UHRF1: variants seen among roughly 807,000 people sequenced by gnomAD.
The protein encoded by UHRF1 is ubiquitin like with PHD and ring finger domains 1.
UHRF1 carries 9 observed loss-of-function variants against 96.5 expected under a neutral mutation model. The observed-to-expected ratio is 0.09, with a 90% CI of 0.06 to 0.16. The LOEUF (loss-of-function observed/expected upper bound fraction) is 0.16. UHRF1 is among the 10% of genes least tolerant of loss of function. UHRF1 has a pLI of 1.00. For missense variants in UHRF1, 626 were observed against 1,131.1 expected, an observed-to-expected ratio of 0.55 and a Z score of 6.40; for synonymous variants, 455 against 469.9, an observed-to-expected ratio of 0.97 and a Z score of 0.41.
At chr19:4,934,220 G>C (rs17883677) in intron 5 of UHRF1, among the ~76,000 whole-genome samples, 25 of 151,740 alleles carry the variant, frequency 1.6e-4, no homozygotes, top group Non-Finnish European at 2.9e-4. Context: ...ATTTAGTAGA[G>C]TCTGGGTTTC....
chr19:4,945,004 C>G (rs530121871), intron 9 of UHRF1, among the ~76,000 whole-genome samples: 3 of 152,288 alleles, frequency 2.0e-5, no homozygotes, highest in Admixed American at 6.5e-5. Context: ...CCCTTGGAGG[C>G]AGGATTGCCC....
chr19:4,928,148 C>T (rs1437054663), intron 2 of UHRF1, among the ~76,000 whole-genome samples: 1 of 151,968 alleles, frequency 6.6e-6, no homozygotes, highest in Non-Finnish European at 1.5e-5. Context: ...CATTTGTGGT[C>T]GTCACAACTA....
intron 16 of UHRF1, among the ~76,000 whole-genome samples, chr19:4,960,273 T>G (rs746780897): frequency 2.0e-5 from 3 of 152,192 alleles, no homozygotes; most frequent in African/African-American, 7.2e-5. Context: ...ATTAATAATA[T>G]ATAACACGGC....
At chr19:4,944,942 T>C (rs2033518333) in intron 9 of UHRF1, among the ~76,000 whole-genome samples, 1 of 152,170 alleles carries the variant, frequency 6.6e-6, no homozygotes, top group African/African-American at 2.4e-5. Context: ...CCCCACCCAC[T>C]CCATGTCCTC....
At chr19:4,949,706 C>A (rs1027043522) in intron 11 of UHRF1, among the ~76,000 whole-genome samples, 2 of 151,930 alleles carry the variant, frequency 1.3e-5, no homozygotes, top group Admixed American at 1.3e-4. Flanking sequence ...TGGTTATGGT[C>A]GTGTGGGCCT....
chr19:4,930,769 G>A lies in UHRF1; in HGVS notation c.462G>A (p.Ala154=), dbSNP rs949539024. Residue 154 remains alanine, a synonymous_variant, in exon 4 of 17, where the codon GCG becomes GCA. Coordinates refer to ENST00000650932, the MANE Select transcript of UHRF1 (RefSeq NM_001048201.3). This position sits in a 1 kb window ranked among gnomAD's most constrained non-coding sequence, Gnocchi z 4.4. ...CGAACATGGGGGCGTGGTTTGAGGC[G>A]CAGGTGGTCAGGGTGACGCGGAAGG... ...RDTNMGAWFE[A]QVVRVTRKAP... is the part of the protein sequence containing the mutation. The A allele has an allele frequency of 1.1e-5, 17 of 1,613,850 alleles. No individual in the cohort carries two copies. In the African/African-American group the frequency reaches 1.1e-4, roughly 10 times the overall value.
intron 5 of UHRF1, among the ~76,000 whole-genome samples, chr19:4,938,526 T>C (rs2033282707): frequency 2.0e-5 from 3 of 151,594 alleles, no homozygotes; most frequent in Admixed American, 2.0e-4. Context: ...ACAGTTTTTT[T>C]TTGTTTGTTT....
chr19:4,945,869 G>T lies in UHRF1; in HGVS notation c.1314G>T (p.Glu438Asp). The T allele has an allele frequency of 6.2e-7, 1 of 1,607,426 alleles. No homozygotes were observed. Among genetic ancestry groups the T allele is most frequent in the Non-Finnish European group, 8.5e-7 (1 of 1,178,320 alleles). Residue 438 changes from glutamate to aspartate, a missense_variant, in exon 10 of 17, where the codon GAG (glutamate) becomes GAT (aspartate). Transcript: ENST00000650932. ...CTTGGTGGCATCCTCAGGTCAGCGA[G>T]TCGGGTGTCCATCGGCCCCACGTGG... The part of the protein sequence containing the change: ...TMWRFRVQVS[E>D]SGVHRPHVAG...
chr19:4,943,505 C>CT (rs2033471925), intron 7 of UHRF1, among the ~76,000 whole-genome samples: 1 of 151,118 alleles, frequency 6.6e-6, no homozygotes, highest in Non-Finnish European at 1.5e-5. Context: ...GCCCCCCCTC[C>CT]CCACATCGTA....
At chr19:4,908,110 T>G (rs972603822), upstream of UHRF1, among the ~76,000 whole-genome samples, 1 of 152,212 alleles carries the variant, frequency 6.6e-6, no homozygotes, top group East Asian at 1.9e-4. Context: ...TTTAAGGACA[T>G]TGTGCCCACC....
rs1425312289 is a variant in UHRF1 at position 4,930,451 on chromosome 19, C to A, written c.409-265C>A. 2.6e-5 allele frequency among the ~76,000 whole-genome samples: 4 copies of A among 152,248 alleles called. No individual in the cohort carries two copies. Among genetic ancestry groups the A allele is most frequent in the Non-Finnish European group, 5.9e-5 (4 of 68,036 alleles). The stretch of plus-strand genomic sequence containing the variant: ...TGACAAATGGGCAGCTCTGGTCTCT[C>A]AGGGCCTCCCAGCAGCTGTGGCTGA... On this transcript the variant is annotated intron_variant, in intron 3 of 16. Coordinates refer to ENST00000650932, the MANE Select transcript of UHRF1 (RefSeq NM_001048201.3). This position sits in a 1 kb window ranked among gnomAD's most constrained non-coding sequence, Gnocchi z 4.4.
rs752782442 is a variant in UHRF1 at position 4,956,805 on chromosome 19, G to A, written c.2227G>A (p.Val743Met). ...RPITTVCQHN[V>M]CKDCLDRSFR... The stretch of plus-strand genomic sequence containing the variant: ...CATCACGACCGTGTGCCAGCACAAC[G>A]TGTGCAAGGTGAGTAGAGATGGCCG... The change falls in exon 16 of 17, where the codon GTG becomes ATG. Residue 743 changes from valine to methionine, a missense_variant. Coordinates refer to ENST00000650932, the MANE Select transcript of UHRF1 (RefSeq NM_001048201.3). 5.0e-6 allele frequency: 8 copies of A among 1,606,834 alleles called. No individual in the cohort carries two copies. The highest frequency in any genetic ancestry group is 3.3e-5 in the South Asian group (3 of 89,570).
chr19:4,930,847 G>A lies in UHRF1; in HGVS notation c.540G>A (p.Glu180=). ...CSSTSRPALE[E]DVIYHVKYDD... is the part of the protein sequence containing the mutation. ...CCACGTCCAGGCCGGCGCTGGAGGAGGACGTCATTTACCACGTGAAATACG... is the reference window on the plus strand; with the variant it reads ...CCACGTCCAGGCCGGCGCTGGAGGAAGACGTCATTTACCACGTGAAATACG... The change falls in exon 4 of 17, where the codon GAG becomes GAA. Residue 180 remains glutamate, a synonymous_variant. Coordinates refer to ENST00000650932, the MANE Select transcript of UHRF1 (RefSeq NM_001048201.3). The surrounding 1 kb of genome is among the most constrained non-coding windows in gnomAD (Gnocchi z 4.4). The A allele has an allele frequency of 6.2e-7, 1 of 1,613,982 alleles. No homozygotes were observed.
intron 2 of UHRF1, among the ~76,000 whole-genome samples, chr19:4,915,003 G>A (rs1370536085): frequency 6.6e-6 from 1 of 152,218 alleles, no homozygotes; most frequent in Non-Finnish European, 1.5e-5. Flanking sequence ...ACTGCAGGGT[G>A]CGGAGCAGCG....
intron 5 of UHRF1, among the ~76,000 whole-genome samples, chr19:4,937,752 G>A (rs1252177997): frequency 2.0e-5 from 3 of 152,190 alleles, no homozygotes; most frequent in Non-Finnish European, 4.4e-5. Flanking sequence ...GTCAATACCA[G>A]CCTTATAATG....
At chr19:4,940,826 C>T (rs1035094646) in intron 5 of UHRF1, among the ~76,000 whole-genome samples, 11 of 151,844 alleles carry the variant, frequency 7.2e-5, no homozygotes, top group Non-Finnish European at 1.3e-4. Context: ...GTGCGCGCTA[C>T]CATGCCCAGC....
At chr19:4,935,856 A>G (rs1599271760) in intron 5 of UHRF1, among the ~76,000 whole-genome samples, 1 of 152,160 alleles carries the variant, frequency 6.6e-6, no homozygotes, top group Admixed American at 6.6e-5. Flanking sequence ...CTTAGGCTCC[A>G]TCCGCACCAG....
chr19:4,940,227 C>T (rs1390317684), intron 5 of UHRF1, among the ~76,000 whole-genome samples: 1 of 151,782 alleles, frequency 6.6e-6, no homozygotes, highest in African/African-American at 2.4e-5. Context: ...ACATACACAG[C>T]GTGTGTTCAA....
At chr19:4,911,133 C>T (rs567482637) in intron 2 of UHRF1, 95 bp downstream of exon 2, 39 of 1,254,744 alleles carry the variant, frequency 3.1e-5, no homozygotes, top group Admixed American at 1.5e-4. Flanking sequence ...ACCTCCCCCC[C>T]CAACAACCTC....
Sources: gnomAD v4.1 joint callset for allele counts (sites outside exome capture counted in the v4.1 genomes callset) on GRCh38, gnomAD v4.1.1 for gene constraint, Gnocchi (gnomAD v3.1) non-coding constraint, MANE v1.5 for transcripts, NCBI Gene and HGNC (gene_info 2026-07-23, HGNC 2026-07-21) for gene names.